Variants in CYP2A7 observed in about 807,000 individuals in gnomAD.
CYP2A7 encodes the protein cytochrome P450 family 2 subfamily A member 7.
A neutral mutation model predicts 42.0 loss-of-function variants in CYP2A7; 36 were observed. The ratio of observed to expected loss-of-function variants is 0.86; its 90% CI spans 0.66 to 1.13. The LOEUF is 1.13. CYP2A7 is among the 50% of genes most tolerant of loss of function. The pLI is 0.00. For synonymous variants in CYP2A7, 260 were observed against 249.5 expected (o/e 1.04, Z -0.40); for missense variants, 661 against 634.1 (o/e 1.04, Z -0.46).
chr19:40,878,101 A>T lies in CYP2A7; in HGVS notation c.832-108T>A, dbSNP rs977441582. ...TCTTTGGTCCAGACCAAAGGTGGAA[A>T]GAGGGACCCTAGATCTACCAGACTC... On this transcript the variant is annotated intron_variant, in intron 5 of 8. Transcript: ENST00000301146. 3 of 1,298,450 alleles carry T rather than the reference A, an allele frequency of 2.3e-6. No individual in the cohort carries two copies. In the African/African-American group the frequency reaches 4.4e-5, roughly 19 times the overall value. The allele number at this position is 1,298,450 out of a possible 1,614,324, so 80.4% of individuals were successfully genotyped here.
chr19:40,881,295 G>C (rs1967676615), intron 2 of CYP2A7, among the ~76,000 whole-genome samples: 1 of 151,586 alleles, frequency 6.6e-6, no homozygotes, highest in Non-Finnish European at 1.5e-5. Flanking sequence ...ACCAGGGCTG[G>C]AAAACAGAAA....
rs1967547556 is a variant in CYP2A7 at position 40,876,957 on chromosome 19, A to G, written c.1161+233T>C. On this transcript the variant is annotated intron_variant, in intron 7 of 8. Coordinates refer to ENST00000301146, the MANE Select transcript of CYP2A7 (RefSeq NM_000764.3). ...GGAAAGGGGGCTTCTGTTTCTTAAG[A>G]TAGGAAGTTTTGGAACTTGAGTTTG... 4 of 658,484 alleles carry G rather than the reference A, an allele frequency of 6.1e-6. 1 individual carries two copies. Among genetic ancestry groups the G allele is most frequent in the Non-Finnish European group, 1.0e-5 (4 of 389,358 alleles). The allele number at this position is 658,484 out of a possible 1,614,324, so 40.8% of individuals were successfully genotyped here.
chr19:40,877,248 A>T lies in CYP2A7; in HGVS notation c.1103T>A (p.Met368Lys). ...CTTTTTAACCCTGCGGGCCAAACTCATGGGGATCACGTCTCCAAATCTTTG... is the reference window on the plus strand; with the variant it reads ...CTTTTTAACCCTGCGGGCCAAACTCTTGGGGATCACGTCTCCAAATCTTTG... ...EIQRFGDVIPMSLARRVKKDT... is the reference protein window; with the variant it reads ...EIQRFGDVIPKSLARRVKKDT... Residue 368 changes from methionine to lysine, a missense_variant, in exon 7 of 9, where the codon ATG becomes AAG. Met to Lys is a moderately conservative substitution (Grantham distance 95). Transcript: ENST00000301146. 1 of 1,612,328 alleles carries T rather than the reference A, an allele frequency of 6.2e-7. No individual in the cohort carries two copies. The highest frequency in any genetic ancestry group is 8.5e-7 in the Non-Finnish European group (1 of 1,178,986).
rs781245729 is a variant in CYP2A7 at position 40,880,629 on chromosome 19, C to T, written c.344-1G>A. 1 of 1,586,538 alleles carries T rather than the reference C, an allele frequency of 6.3e-7. No homozygotes were observed. The highest frequency in any genetic ancestry group is 8.6e-7 in the Non-Finnish European group (1 of 1,163,580). On this transcript the variant is annotated splice_acceptor_variant, in intron 2 of 8. Coordinates refer to ENST00000301146, the MANE Select transcript of CYP2A7 (RefSeq NM_000764.3). LOFTEE classifies it high-confidence loss of function. ...CGCTCCCCGTTGCTGAACGCCACGC[C>T]TGGGGAGGTCAAGGCGGGGGTGGAG...
Position 40,876,549 on chromosome 19 carries a change from A to G in CYP2A7, c.1281T>C (p.Asp427=). 6.2e-7 allele frequency: 1 copy of G among 1,613,084 alleles called. No homozygotes were observed. The highest frequency in any genetic ancestry group is 8.5e-7 in the Non-Finnish European group (1 of 1,179,268). Residue 427 remains aspartate (D), a synonymous_variant, in exon 8 of 9, where the codon GAT becomes GAC. Transcript: ENST00000301146. The part of the protein sequence containing the change: ...LDDKGQFKKS[D]AFVPFSIGKR... ...TACCGATGGAAAAGGGCACAAAAGC[A>G]TCACTCTTCTTAAACTGCCCCTTGT...
intron 2 of CYP2A7, among the ~76,000 whole-genome samples, chr19:40,880,901 A>G (rs1392837872): frequency 6.8e-6 from 1 of 146,556 alleles, no homozygotes; most frequent in Non-Finnish European, 1.5e-5. Context: ...GAGAAACAGA[A>G]AGGCCAGATA....
At chr19:40,878,715 C>G in intron 5 of CYP2A7, 45 bp downstream of exon 5, 3 of 1,600,528 alleles carry the variant, frequency 1.9e-6, no homozygotes, top group Non-Finnish European at 2.6e-6. Flanking sequence ...TCTGATTTCC[C>G]TCTGCCTGGC....
chr19:40,880,989 T>G, intron 2 of CYP2A7, among the ~76,000 whole-genome samples: 2 of 144,148 alleles, frequency 1.4e-5, no homozygotes, highest in South Asian at 2.2e-4. Flanking sequence ...AAGAGAGAGA[T>G]GGAGGAAGAG....
In CYP2A7 at chr19:40,879,989, G is replaced by T. The variant is rs571698207; in HGVS notation, c.654+95C>A. Reference sequence around the variant, plus strand: ...GGCTGATTTTGAGGGGACACTGTCTGGAGCGGGGTGGGAGTTTGGGGCACC... The same window carrying T: ...GGCTGATTTTGAGGGGACACTGTCTTGAGCGGGGTGGGAGTTTGGGGCACC... On this transcript the variant is annotated intron_variant, in intron 4 of 8. Transcript: ENST00000301146. 1.1e-5 allele frequency: 18 copies of T among 1,565,736 alleles called. No homozygotes were observed. In the African/African-American group the frequency reaches 2.4e-4, roughly 21 times the overall value.
At chr19:40,881,567 C>A (rs770582541) in intron 2 of CYP2A7, 22 bp downstream of exon 2, 2 of 1,610,880 alleles carry the variant, frequency 1.2e-6, no homozygotes, top group African/African-American at 2.7e-5. Flanking sequence ...GGCCACCTTC[C>A]CCATCTTGGG....
Position 40,880,493 on chromosome 19 carries a change from A to T in CYP2A7, c.479T>A (p.Ile160Asn), listed in dbSNP as rs1189831131. 1.2e-6 allele frequency: 2 copies of T among 1,612,336 alleles called. No individual in the cohort carries two copies. The highest frequency in any genetic ancestry group is 1.7e-6 in the Non-Finnish European group (2 of 1,179,000). ...QEESGFLIEA[I>N]RSTHGANIDP... is the part of the protein sequence containing the mutation. ...ACCTTACTCACCGTGCGTGCTCCGG[A>T]TGGCCTCGATGAGGAAGCCCGACTC... The change falls in exon 3 of 9, where the codon ATC becomes AAC. Residue 160 changes from isoleucine to asparagine, a missense_variant. This residue lies in a region of CYP2A7 where 614 missense variants were observed against 552.4 expected (regional missense o/e 1.11). Coordinates refer to ENST00000301146, the MANE Select transcript of CYP2A7 (RefSeq NM_000764.3).
In CYP2A7 at chr19:40,881,616, T is replaced by G. The variant is rs1279885279; in HGVS notation, c.316A>C (p.Thr106Pro). The G allele has an allele frequency of 6.2e-7, 1 of 1,612,114 alleles. No homozygotes were observed. Among genetic ancestry groups the G allele is most frequent in the East Asian group, 2.2e-5 (1 of 44,864 alleles). ...TAGCCTTTGAAGACCCAGTCGAAGG[T>G]GGCTTGCTCGCCTCGCCCGCTGAAC... ...EEFSGRGEQATFDWVFKGYGV... is the reference protein window; with the variant it reads ...EEFSGRGEQAPFDWVFKGYGV... Residue 106 changes from threonine (T) to proline (P), a missense_variant, in exon 2 of 9, where the codon ACC (threonine) becomes CCC (proline). Thr to Pro is a conservative substitution (Grantham distance 38). Around this residue, in one of 3 missense-constraint regions of CYP2A7, gnomAD observed 614 missense variants for 552.4 expected, o/e 1.11. Coordinates refer to ENST00000301146, the MANE Select transcript of CYP2A7 (RefSeq NM_000764.3).
In CYP2A7 at chr19:40,877,185, A is replaced by G. The variant is rs1389463188; in HGVS notation, c.1161+5T>C. Reference sequence around the variant, plus strand: ...CCGTAGTCTAGGGGGTGGGGAGGATAGCACCTTAGGGAGGAAAAAATCCCG... The same window carrying G: ...CCGTAGTCTAGGGGGTGGGGAGGATGGCACCTTAGGGAGGAAAAAATCCCG... On this transcript the variant is annotated splice_donor_5th_base_variant and intron_variant, in intron 7 of 8. Coordinates refer to ENST00000301146, the MANE Select transcript of CYP2A7 (RefSeq NM_000764.3). 3.7e-6 allele frequency: 6 copies of G among 1,612,374 alleles called. No homozygotes were observed. In the African/African-American group the frequency reaches 6.7e-5, roughly 18 times the overall value.
Position 40,880,112 on chromosome 19 carries a change from A to G in CYP2A7, c.626T>C (p.Phe209Ser). The change falls in exon 4 of 9, where the codon TTC becomes TCC. Residue 209 changes from phenylalanine to serine, a missense_variant. By Grantham distance (155) the Phe-to-Ser change is radical. Transcript: ENST00000301146. Reference protein sequence around the residue: ...LSLLSMMLGIFQFTSTSTGQL... With the variant: ...LSLLSMMLGISQFTSTSTGQL... ...CCCCGTGGAGGTTGACGTGAACTGGAAGATTCCTAGCATCATGCTCAGCAG... is the reference window on the plus strand; with the variant it reads ...CCCCGTGGAGGTTGACGTGAACTGGGAGATTCCTAGCATCATGCTCAGCAG... The G allele has an allele frequency of 1.2e-6, 2 of 1,612,884 alleles. No individual in the cohort carries two copies. The highest frequency in any genetic ancestry group is 2.2e-5 in the East Asian group (1 of 44,852).
At chr19:40,881,979 G>C (rs1308438014) in intron 1 of CYP2A7, 52 bp downstream of exon 1, 1 of 1,580,588 alleles carries the variant, frequency 6.3e-7, no homozygotes, top group Non-Finnish European at 8.6e-7. Flanking sequence ...CAAAGCCCCA[G>C]CCAACTAGGC....
intron 3 of CYP2A7, 26 bp downstream of exon 3, chr19:40,880,453 C>G (rs781652315): frequency 6.2e-7 from 1 of 1,606,760 alleles, no homozygotes. Context: ...CTTCTCCTGC[C>G]CCCGCACTCG....
In CYP2A7 at chr19:40,881,580, C is replaced by A. The variant is rs1256807221; in HGVS notation, c.343+9G>T. 1.5e-5 allele frequency: 24 copies of A among 1,611,272 alleles called. No individual in the cohort carries two copies. Among genetic ancestry groups the A allele is most frequent in the Non-Finnish European group, 2.0e-5 (23 of 1,179,316 alleles). ...CTGGCCACCTTCCCCATCTTGGGCA[C>A]CCCCTCACCATAGCCTTTGAAGACC... On this transcript the variant is annotated intron_variant, in intron 2 of 8. Coordinates refer to ENST00000301146, the MANE Select transcript of CYP2A7 (RefSeq NM_000764.3).
In CYP2A7 at chr19:40,877,206, T is replaced by C; in HGVS notation, c.1145A>G (p.Asp382Gly). 1 of 1,612,368 alleles carries C rather than the reference T, an allele frequency of 6.2e-7. No homozygotes were observed. Among genetic ancestry groups the C allele is most frequent in the Non-Finnish European group, 8.5e-7 (1 of 1,179,034 alleles). Reference sequence around the variant, plus strand: ...GGATAGCACCTTAGGGAGGAAAAAATCCCGAAACTTGGTGTCCTTTTTAAC... The same window carrying C: ...GGATAGCACCTTAGGGAGGAAAAAACCCCGAAACTTGGTGTCCTTTTTAAC... ...RRVKKDTKFRDFFLPKGTEVF... is the reference protein window; with the variant it reads ...RRVKKDTKFRGFFLPKGTEVF... Residue 382 changes from aspartate to glycine, a missense_variant, in exon 7 of 9, where the codon GAT (aspartate) becomes GGT (glycine). Coordinates refer to ENST00000301146, the MANE Select transcript of CYP2A7 (RefSeq NM_000764.3).
chr19:40,880,846 A>AGAGG (rs1967661435), intron 2 of CYP2A7, among the ~76,000 whole-genome samples: 3 of 124,246 alleles, frequency 2.4e-5, no homozygotes, highest in Non-Finnish European at 5.1e-5. Context: ...AGAGAGAGAG[A>AGAGG]GAGAGAGAGA....
Sources: gnomAD v4.1 joint callset for allele counts (sites outside exome capture counted in the v4.1 genomes callset) on GRCh38, gnomAD v4.1.1 for gene constraint, gnomAD v4.1.1 regional missense constraint, MANE v1.5 for transcripts, NCBI Gene and HGNC (gene_info 2026-07-23, HGNC 2026-07-21) for gene names.